The following SORT1 variants were observed in gnomAD, a reference collection of about 807,000 sequenced individuals.
SORT1 encodes sortilin 1, also known as sortilin.
A neutral mutation model predicts 101.7 loss-of-function variants in SORT1; 39 were observed. The ratio of observed to expected loss-of-function variants is 0.38; its 90% CI spans 0.30 to 0.50. The LOEUF is 0.50. Among genes scored for constraint, SORT1 ranks in the 20% least tolerant of loss-of-function variants. The pLI is 0.90. For synonymous variants in SORT1, 396 were observed against 393.7 expected (o/e 1.01, Z -0.07); for missense variants, 878 against 1,040.4 (o/e 0.84, Z 2.15).
At chr1:109,357,889 C>T (rs754086044) in intron 3 of SORT1, among the ~76,000 whole-genome samples, 20 of 152,222 alleles carry the variant, frequency 1.3e-4, no homozygotes, top group Non-Finnish European at 2.8e-4. Flanking sequence ...ATCTTCCTGA[C>T]AGCTGGCCAA....
chr1:109,338,005 G>A (rs868425089), intron 10 of SORT1, among the ~76,000 whole-genome samples: 9 of 152,130 alleles, frequency 5.9e-5, no homozygotes, highest in East Asian at 1.9e-4. Context: ...CCGGTAGGGC[G>A]AGACAAGCAC....
Position 109,354,480 on chromosome 1 carries a change from T to G in SORT1, c.595A>C (p.Arg199=). 3 of 1,613,484 alleles carry G rather than the reference T, an allele frequency of 1.9e-6. No individual in the cohort carries two copies. The highest frequency in any genetic ancestry group is 2.5e-6 in the Non-Finnish European group (3 of 1,179,418). The change falls in exon 5 of 20, where the codon AGA becomes CGA. Residue 199 remains arginine (R), a synonymous_variant. Transcript: ENST00000256637. ...SGGSRGGRIF[R]SSDFAKNFVQ... is the part of the protein sequence containing the mutation. ...AAATTCTTCGCAAAATCTGATGATCTAAAGATTCTTCCTCCACGACTTCCT... is the reference window on the plus strand; with the variant it reads ...AAATTCTTCGCAAAATCTGATGATCGAAAGATTCTTCCTCCACGACTTCCT...
intron 3 of SORT1, among the ~76,000 whole-genome samples, chr1:109,358,852 T>TAA (rs745825760): frequency 1.5e-5 from 2 of 130,708 alleles, no homozygotes; most frequent in African/African-American, 2.8e-5. Context: ...GACTCCGTCT[T>TAA]AAAAAAAAAA....
At chr1:109,393,400 T>A (rs185834717) in intron 1 of SORT1, 1 of 715,906 alleles carries the variant, frequency 1.4e-6, no homozygotes. Flanking sequence ...TACACAGGAA[T>A]GAGAAGTAAG....
chr1:109,336,155 T>G (rs573960281), intron 11 of SORT1, 85 bp downstream of exon 11: 1 of 811,734 alleles, frequency 1.2e-6, no homozygotes, highest in Non-Finnish European at 2.1e-6. Context: ...TAATCAAGTA[T>G]GAAACTTCAT....
At chr1:109,336,480 C>A in intron 10 of SORT1, 134 bp from the exon 11 acceptor site, 2 of 644,622 alleles carry the variant, frequency 3.1e-6, no homozygotes, top group East Asian at 5.4e-5. Context: ...CCTCACAAAA[C>A]GGCTCATTGT....
chr1:109,333,114 G>C (rs1238726514), intron 11 of SORT1, among the ~76,000 whole-genome samples: 2 of 152,098 alleles, frequency 1.3e-5, no homozygotes, highest in East Asian at 1.9e-4. Context: ...TTTTGGTAGA[G>C]ACGGGATTTC....
In SORT1 at chr1:109,347,496, T is replaced by G; in HGVS notation, c.819A>C (p.Ala273=). Residue 273 remains alanine, a synonymous_variant, in exon 7 of 20, where the codon GCA becomes GCC. Coordinates refer to ENST00000256637, the MANE Select transcript of SORT1 (RefSeq NM_002959.7). The stretch of plus-strand genomic sequence containing the variant: ...AAATATACTTACTGCAGGAGCCATT[T>G]GCATAGGTTGTAAAGAAGATGGTGT... ...SDNTIFFTTY[A]NGSCKADLGA... is the part of the protein sequence containing the mutation. The G allele has an allele frequency of 6.2e-7, 1 of 1,610,124 alleles. No individual in the cohort carries two copies. The highest frequency in any genetic ancestry group is 1.3e-5 in the African/African-American group (1 of 74,964).
In SORT1 at chr1:109,309,869, T is replaced by C. The variant is rs1658615939; in HGVS notation, c.*4174A>G. 1 of 152,512 alleles carries C rather than the reference T, an allele frequency of 6.6e-6. No homozygotes were observed. The allele number at this position is 152,512 out of a possible 1,614,324, so 9.4% of individuals were successfully genotyped here. ...ATCTTAATACTGCTTTACACTTTCG[T>C]GGGAAGGCAGCTGTCCCACAGCCTG... is the stretch of plus-strand genomic sequence containing the variant. On this transcript the variant is annotated 3_prime_UTR_variant, in exon 20 of 20. Coordinates refer to ENST00000256637, the MANE Select transcript of SORT1 (RefSeq NM_002959.7).
chr1:109,320,061 TG>T (rs917019833), intron 15 of SORT1, among the ~76,000 whole-genome samples: 53 of 152,176 alleles, frequency 3.5e-4, no homozygotes, highest in African/African-American at 1.2e-3. Context: ...TGCCCTCTGC[TG>T]CCCCCGCCAC....
At chr1:109,316,712 C>A in intron 17 of SORT1, 138 bp downstream of exon 17, 1 of 585,394 alleles carries the variant, frequency 1.7e-6, no homozygotes. Context: ...CTAACAGCTT[C>A]CTGTATAAGG....
chr1:109,355,956 G>A (rs1650289909), intron 3 of SORT1, among the ~76,000 whole-genome samples: 1 of 151,790 alleles, frequency 6.6e-6, no homozygotes, highest in African/African-American at 2.4e-5. Context: ...GCTCAGTGGT[G>A]CAATTCCCAG....
intron 1 of SORT1, among the ~76,000 whole-genome samples, chr1:109,390,752 A>AGTGTGTGTGTGT (rs749381586): frequency 3.0e-4 from 44 of 144,396 alleles, no homozygotes; most frequent in African/African-American, 1.2e-3. Context: ...AATATTAGAA[A>AGTGTGTGTGTGT]GTGTGTGTGT....
At chr1:109,379,148 G>GA (rs138940390) in intron 1 of SORT1, among the ~76,000 whole-genome samples, 205 of 141,340 alleles carry the variant, frequency 1.5e-3, no homozygotes, top group Admixed American at 3.3e-3. Flanking sequence ...GTCTCAAAAA[G>GA]AAAAAAAAAA....
At chr1:109,353,549 G>T (rs1296802260) in intron 5 of SORT1, among the ~76,000 whole-genome samples, 1 of 151,986 alleles carries the variant, frequency 6.6e-6, no homozygotes, top group Non-Finnish European at 1.5e-5. Context: ...GTACAGCAAT[G>T]ACTCTCAAAC....
chr1:109,363,650 G>C (rs1454881435), intron 3 of SORT1, among the ~76,000 whole-genome samples: 1 of 152,166 alleles, frequency 6.6e-6, no homozygotes, highest in Non-Finnish European at 1.5e-5. Flanking sequence ...GTAATACACA[G>C]AGCAGGTGGC....
At chr1:109,387,592 C>A (rs1652645905) in intron 1 of SORT1, among the ~76,000 whole-genome samples, 1 of 152,124 alleles carries the variant, frequency 6.6e-6, no homozygotes, top group Admixed American at 6.5e-5. Context: ...ACCAGATGAC[C>A]AGGTATCTGA....
intron 6 of SORT1, among the ~76,000 whole-genome samples, chr1:109,348,603 C>T (rs1173628046): frequency 2.0e-5 from 3 of 152,144 alleles, no homozygotes; most frequent in Non-Finnish European, 4.4e-5. Flanking sequence ...ATCCTCCCAT[C>T]TCATTCTCTT....
chr1:109,334,814 C>T (rs1648699696), intron 11 of SORT1, among the ~76,000 whole-genome samples: 1 of 151,928 alleles, frequency 6.6e-6, no homozygotes, highest in African/African-American at 2.4e-5. Flanking sequence ...ATTATGCCTC[C>T]ATAAAGCTGG....
Sources: gnomAD v4.1 joint callset for allele counts (sites outside exome capture counted in the v4.1 genomes callset) on GRCh38, gnomAD v4.1.1 for gene constraint, MANE v1.5 for transcripts, NCBI Gene and HGNC (gene_info 2026-07-23, HGNC 2026-07-21) for gene names.